Variants in ZNF37A observed in about 807,000 individuals in gnomAD.
ZNF37A encodes zinc finger protein 37A.
Under a neutral mutation model 12.3 loss-of-function variants are expected in ZNF37A, and 10 were observed. The ratio of observed to expected loss-of-function variants is 0.82; its 90% confidence interval spans 0.50 to 1.38. ZNF37A has a LOEUF of 1.38. Among genes scored for constraint, ZNF37A ranks in the 40% most tolerant of loss-of-function variants. The pLI is 0.00. For missense variants in ZNF37A, 580 were observed against 651.2 expected, an observed-to-expected ratio of 0.89 and a Z score of 1.19; for synonymous variants, 207 against 223.0, an observed-to-expected ratio of 0.93 and a Z score of 0.64.
chr10:38,106,364 G>T (rs1450468738), intron 5 of ZNF37A, among the ~76,000 whole-genome samples: 1 of 152,054 alleles, frequency 6.6e-6, no homozygotes, highest in Non-Finnish European at 1.5e-5. Context: ...AACACCAAAG[G>T]TAAATAAATC....
At position 38,149,571 on chromosome 10, in the gene ZNF37A, C is replaced by CTTTTTTTTTTT. The variant is rs549404724; in HGVS notation, c.*2762_*2772dup. 8 of 95,706 alleles carry CTTTTTTTTTTT rather than the reference C, an allele frequency of 8.4e-5. 1 individual carries two copies. Among genetic ancestry groups the CTTTTTTTTTTT allele is most frequent in the African/African-American group, 1.6e-4 (4 of 24,404 alleles). The allele number at this position is 95,706 out of a possible 1,614,324, so 5.9% of individuals were successfully genotyped here. ...CACCTTCCAACATTCTACAGTTGTG[C>CTTTTTTTTTTT]TTTTTTTTTTTTTTTTTTTTTGAGA... On this transcript the variant is annotated 3_prime_UTR_variant, in exon 8 of 8. Coordinates refer to the ZNF37A transcript ENST00000638053.
chr10:38,102,768 T>G (rs912652743), intron 5 of ZNF37A, among the ~76,000 whole-genome samples: 1 of 152,230 alleles, frequency 6.6e-6, no homozygotes, highest in African/African-American at 2.4e-5. Context: ...CAGATTCTGT[T>G]GATCTAGGAA....
chr10:38,143,049 A>G (rs1439200405), intron 7 of ZNF37A: 1 of 152,206 alleles, frequency 6.6e-6, no homozygotes, highest in Non-Finnish European at 1.5e-5. Context: ...TCCATTAGCC[A>G]CACCTTTAAG....
intron 7 of ZNF37A, chr10:38,142,576 GC>G (rs1564389350): frequency 6.6e-6 from 1 of 152,182 alleles, no homozygotes; most frequent in Non-Finnish European, 1.5e-5. Context: ...CCTGAGCATG[GC>G]CCCTGAGCCA....
At chr10:38,132,580 T>G (rs2070043518) in intron 7 of ZNF37A, among the ~76,000 whole-genome samples, 1 of 152,136 alleles carries the variant, frequency 6.6e-6, no homozygotes, top group African/African-American at 2.4e-5. Context: ...ATAAATAAAG[T>G]AAGATAGTCA....
Position 38,118,214 on chromosome 10 carries a change from T to C in ZNF37A, c.1063T>C (p.Tyr355His), listed in dbSNP as rs1289094545. The change falls in exon 8 of 8, where the codon TAT becomes CAT. Residue 355 changes from tyrosine (Y) to histidine (H), a missense_variant. Coordinates refer to ENST00000685332, the MANE Select transcript of ZNF37A (RefSeq NM_001324250.3). ...AAGAACGCACACAGGGGAGAAACCA[T>C]ATGAATGTCATGAATGTGGGAAAAC... ...HQRTHTGEKP[Y>H]ECHECGKTFS... The C allele has an allele frequency of 1.2e-6, 2 of 1,613,854 alleles. No individual in the cohort carries two copies. Among genetic ancestry groups the C allele is most frequent in the Admixed American group, 1.7e-5 (1 of 59,968 alleles).
rs934839119 is a variant in ZNF37A at position 38,095,814 on chromosome 10, A to C, written c.-45+10A>C. On this transcript the variant is annotated intron_variant, in intron 4 of 7. Coordinates refer to ENST00000685332, the MANE Select transcript of ZNF37A (RefSeq NM_001324250.3). ...CTGCGTTGACAACAGAGTAAGTAAA[A>C]ATCAGTTTGCTTTTTTAAATCCAAA... The C allele has an allele frequency of 6.6e-6, 1 of 152,108 alleles. No homozygotes were observed. The highest frequency in any genetic ancestry group is 2.4e-5 in the African/African-American group (1 of 41,410). The allele number at this position is 152,108 out of a possible 1,614,324, so 9.4% of individuals were successfully genotyped here. A position where few individuals can be genotyped will look rare whatever the true frequency, so the allele number is the denominator to read the frequency against.
At chr10:38,148,239 G>A (rs1044485227) in exon 8 of ZNF37A, 1 of 152,232 alleles carries the variant, frequency 6.6e-6, no homozygotes, top group Non-Finnish European at 1.5e-5. Flanking sequence ...CTAGAAAAAT[G>A]AACTGGCCCA....
intron 7 of ZNF37A, chr10:38,142,436 G>A (rs2070196642): frequency 6.6e-6 from 1 of 152,130 alleles, no homozygotes. Context: ...AAAACAAAAT[G>A]TTTACATAGA....
intron 7 of ZNF37A, chr10:38,143,290 G>C (rs1423521007): frequency 6.6e-6 from 1 of 152,204 alleles, no homozygotes; most frequent in South Asian, 2.1e-4. Flanking sequence ...TGGATAATCT[G>C]GAAGGCCTGG....
intron 7 of ZNF37A, chr10:38,137,779 C>G (rs373370554): frequency 1.3e-5 from 2 of 152,322 alleles, no homozygotes; most frequent in East Asian, 1.9e-4. Flanking sequence ...CTGGAAGCTG[C>G]AAGTGTTCAA....
intron 7 of ZNF37A, chr10:38,117,186 C>T: frequency 3.0e-6 from 3 of 984,962 alleles, no homozygotes; most frequent in Non-Finnish European, 3.6e-6. Context: ...GATTATAGGA[C>T]TATGAATTAG....
Position 38,121,743 on chromosome 10 carries a change from G to A in ZNF37A, c.*2906G>A, listed in dbSNP as rs2069709967. On this transcript the variant is annotated 3_prime_UTR_variant, in exon 8 of 8. Coordinates refer to ENST00000685332, the MANE Select transcript of ZNF37A (RefSeq NM_001324250.3). ...TAGGAACAAATAAATAAATTGTTGT[G>A]TGTGCACATATGCATATATTTTGTG... The A allele has an allele frequency of 6.6e-6, 1 of 152,304 alleles. No individual in the cohort carries two copies. Among genetic ancestry groups the A allele is most frequent in the African/African-American group, 2.4e-5 (1 of 41,560 alleles). The allele number at this position is 152,304 out of a possible 1,614,324, so 9.4% of individuals were successfully genotyped here. A position where few individuals can be genotyped will look rare whatever the true frequency, so the allele number is the denominator to read the frequency against.
Position 38,117,593 on chromosome 10 carries a change from T to C in ZNF37A, c.442T>C (p.Tyr148His). ...TAAAAATTGGGAACAATCTTTTGAA[T>C]ACAATGAATGTGGGAAAGCTTTCCC... Reference protein sequence around the residue: ...KIKNWEQSFEYNECGKAFPEN... With the variant: ...KIKNWEQSFEHNECGKAFPEN... The change falls in exon 8 of 8, where the codon TAC (tyrosine) becomes CAC (histidine). Residue 148 changes from tyrosine to histidine, a missense_variant. Transcript: ENST00000685332. 6.2e-7 allele frequency: 1 copy of C among 1,613,822 alleles called. No individual in the cohort carries two copies. The highest frequency in any genetic ancestry group is 1.3e-5 in the African/African-American group (1 of 75,040).
At chr10:38,102,330 G>T in intron 5 of ZNF37A, among the ~76,000 whole-genome samples, 1 of 150,422 alleles carries the variant, frequency 6.6e-6, no homozygotes, top group African/African-American at 2.4e-5. Context: ...GTATTTCTTT[G>T]TATTCATTAT....
intron 7 of ZNF37A, among the ~76,000 whole-genome samples, chr10:38,145,910 T>C (rs1424409418): frequency 2.6e-5 from 4 of 152,022 alleles, no homozygotes; most frequent in African/African-American, 9.7e-5. Context: ...ACCAGCCTGG[T>C]CAACTATGGT....
chr10:38,119,362 T>C lies in ZNF37A; in HGVS notation c.*525T>C, dbSNP rs2069551964. The C allele has an allele frequency of 2.0e-5, 20 of 1,000,448 alleles. No homozygotes were observed. The highest frequency in any genetic ancestry group is 2.2e-5 in the Non-Finnish European group (18 of 833,302). 62.0% of individuals were successfully genotyped at this position (1,000,448 alleles called of 1,614,324 possible). A position where few individuals can be genotyped will look rare whatever the true frequency, so the allele number is the denominator to read the frequency against. ...TGTGAAGTCAAGAGGCCAGAGAAAA[T>C]GCACAAACTGTAGGAAACTATAGGA... On this transcript the variant is annotated 3_prime_UTR_variant, in exon 8 of 8. Coordinates refer to ENST00000685332, the MANE Select transcript of ZNF37A (RefSeq NM_001324250.3).
At chr10:38,143,507 A>C (rs2070213208) in intron 7 of ZNF37A, 2 of 152,202 alleles carry the variant, frequency 1.3e-5, no homozygotes, top group African/African-American at 4.8e-5. Flanking sequence ...GAACTGCACC[A>C]GACCCAATCC....
chr10:38,114,673 G>A lies in ZNF37A; in HGVS notation c.16-82G>A, dbSNP rs921977079. 7 of 1,561,158 alleles carry A rather than the reference G, an allele frequency of 4.5e-6. No homozygotes were observed. The Admixed American group carries it at 8.5e-5, about 19-fold the overall frequency. On this transcript the variant is annotated intron_variant, in intron 5 of 7. Coordinates refer to ENST00000685332, the MANE Select transcript of ZNF37A (RefSeq NM_001324250.3). Reference sequence around the variant, plus strand: ...CTATTTAATTTTCAACAATAAAAATGGTAAGAATTAGTCCCTAAACATCTT... The same window carrying A: ...CTATTTAATTTTCAACAATAAAAATAGTAAGAATTAGTCCCTAAACATCTT...
Sources: gnomAD v4.1 joint callset for allele counts (sites outside exome capture counted in the v4.1 genomes callset) on GRCh38, gnomAD v4.1.1 for gene constraint, MANE v1.5 for transcripts, NCBI Gene and HGNC (gene_info 2026-07-23, HGNC 2026-07-21) for gene names.